The following KCMF1 variants were observed in gnomAD, a reference collection of about 807,000 sequenced individuals.
The protein encoded by KCMF1 is E3 ubiquitin-protein ligase KCMF1.
KCMF1 carries 3 observed loss-of-function variants against 41.1 expected under a neutral mutation model. The ratio of observed to expected loss-of-function variants is 0.07; its 90% confidence interval spans 0.03 to 0.19. KCMF1 has a LOEUF of 0.19. Among genes scored for constraint, KCMF1 ranks in the 10% least tolerant of loss-of-function variants. The probability of loss-of-function intolerance (pLI) is 1.00; values close to 1 mark genes in which losing one functional copy is unlikely to be tolerated. For missense variants in KCMF1, 286 were observed against 488.9 expected (o/e 0.58, Z 3.91); for synonymous variants, 142 against 164.5 (o/e 0.86, Z 1.04).
intron 1 of KCMF1, among the ~76,000 whole-genome samples, chr2:85,003,838 C>G (rs1384736837): frequency 6.6e-6 from 1 of 152,090 alleles, no homozygotes; most frequent in Non-Finnish European, 1.5e-5. Context: ...GAAGATGTAG[C>G]AAGCATGTAA....
intron 3 of KCMF1, among the ~76,000 whole-genome samples, chr2:85,037,253 G>C (rs1675424636): frequency 6.6e-6 from 1 of 152,082 alleles, no homozygotes; most frequent in South Asian, 2.1e-4. Context: ...ATCTTTGCAT[G>C]AGTACTATAT....
At chr2:85,018,634 C>T (rs563257688) in intron 1 of KCMF1, among the ~76,000 whole-genome samples, 4 of 152,050 alleles carry the variant, frequency 2.6e-5, no homozygotes, top group African/African-American at 9.6e-5. Flanking sequence ...TCAGTTTTTG[C>T]AGAATATATG....
rs1673730491 is a variant in KCMF1 at position 84,981,050 on chromosome 2, A to G, written c.16+9583A>G. ...ATAGATGGATCCCTGTAACTTAATCACTGCTACTAGAAAAAAAAAAACTGA... is the reference window on the plus strand; with the variant it reads ...ATAGATGGATCCCTGTAACTTAATCGCTGCTACTAGAAAAAAAAAAACTGA... On this transcript the variant is annotated intron_variant, in intron 1 of 6. Coordinates refer to ENST00000409785, the MANE Select transcript of KCMF1 (RefSeq NM_020122.5). Among the ~76,000 whole-genome samples the G allele has an allele frequency of 4.8e-5, 7 of 146,784 alleles. No individual in the cohort carries two copies. The South Asian group carries it at 1.5e-3, about 32-fold the overall frequency.
intron 1 of KCMF1, among the ~76,000 whole-genome samples, chr2:84,992,896 A>C (rs1674078045): frequency 6.6e-6 from 1 of 152,200 alleles, no homozygotes; most frequent in Non-Finnish European, 1.5e-5. Flanking sequence ...CTGAGATTAC[A>C]GCATCACCAT....
At chr2:85,005,222 A>C (rs1367383197) in intron 1 of KCMF1, among the ~76,000 whole-genome samples, 1 of 148,948 alleles carries the variant, frequency 6.7e-6, no homozygotes, top group Non-Finnish European at 1.5e-5. Context: ...TTTTATTTTT[A>C]ATTGACACAT....
chr2:85,001,878 A>G (rs978567184), intron 1 of KCMF1, among the ~76,000 whole-genome samples: 1 of 152,222 alleles, frequency 6.6e-6, no homozygotes, highest in South Asian at 2.1e-4. Context: ...CACCTAGGCT[A>G]TATGGATAGC....
intron 1 of KCMF1, among the ~76,000 whole-genome samples, chr2:85,023,419 C>T (rs1038358780): frequency 3.3e-5 from 5 of 149,756 alleles, no homozygotes; most frequent in Admixed American, 2.7e-4. Context: ...CCTGGGTTCA[C>T]GCCATTCTCC....
intron 1 of KCMF1, chr2:85,013,797 C>CA (rs1005946455): frequency 5.6e-3 from 276 of 48,900 alleles, no homozygotes; most frequent in Middle Eastern, 0.02. Context: ...GACTCTGTCT[C>CA]AAAAAAAAAA....
intron 1 of KCMF1, among the ~76,000 whole-genome samples, chr2:85,003,653 G>A (rs572756451): frequency 6.6e-6 from 1 of 151,766 alleles, no homozygotes; most frequent in African/African-American, 2.4e-5. Context: ...CGGGTCTCCC[G>A]ATGTTACCCA....
intron 5 of KCMF1, among the ~76,000 whole-genome samples, chr2:85,048,291 A>G (rs1389577141): frequency 2.0e-5 from 3 of 152,238 alleles, no homozygotes. Context: ...TCCAAAGGGA[A>G]TATTTACCTG....
At chr2:84,998,604 C>A (rs928531400) in intron 1 of KCMF1, among the ~76,000 whole-genome samples, 1 of 151,506 alleles carries the variant, frequency 6.6e-6, no homozygotes, top group Non-Finnish European at 1.5e-5. Context: ...TACTTACTTA[C>A]TTACTTACTT....
At chr2:84,986,099 T>C (rs1442145862) in intron 1 of KCMF1, among the ~76,000 whole-genome samples, 1 of 152,204 alleles carries the variant, frequency 6.6e-6, no homozygotes, top group Non-Finnish European at 1.5e-5. Flanking sequence ...TCACCTCCTA[T>C]TGAAAAACAC....
rs1558573516 is a variant in KCMF1 at position 85,008,335 on chromosome 2, A to ATATGATATATCATATATAATATATC, written c.17-19554_17-19553insTATGATATATCATATATAATATATC. ...GATATATATATCATATATAATATAT[A>ATATGATATATCATATATAATATATC]ATATGATATATAATATATAATATAT... On this transcript the variant is annotated intron_variant, in intron 1 of 6. Coordinates refer to ENST00000409785, the MANE Select transcript of KCMF1 (RefSeq NM_020122.5). Among the ~76,000 whole-genome samples the ATATGATATATCATATATAATATATC allele has an allele frequency of 1.3e-3, 19 of 14,978 alleles. 1 individual carries two copies. Among genetic ancestry groups the ATATGATATATCATATATAATATATC allele is most frequent in the Admixed American group, 4.1e-3 (3 of 732 alleles). The allele number at this position is 14,978 out of a possible 152,430, so 9.8% of individuals were successfully genotyped here.
Position 85,049,452 on chromosome 2 carries a change from C to A in KCMF1, c.688C>A (p.Leu230Met). Residue 230 changes from leucine (L) to methionine (M), a missense_variant, in exon 6 of 7, where the codon CTG becomes ATG. This residue lies in a region of KCMF1 where 191 missense variants were observed against 279.3 expected (regional missense o/e 0.68). Coordinates refer to ENST00000409785, the MANE Select transcript of KCMF1 (RefSeq NM_020122.5). ...SGPSASQLQQ[L>M]QMQLQLERQH... Reference sequence around the variant, plus strand: ...CCCTTCCGCTTCTCAGTTACAACAACTGCAGATGCAGCTGCAGCTAGAACG... The same window carrying A: ...CCCTTCCGCTTCTCAGTTACAACAAATGCAGATGCAGCTGCAGCTAGAACG... 1 of 1,614,078 alleles carries A rather than the reference C, an allele frequency of 6.2e-7. No homozygotes were observed. Among genetic ancestry groups the A allele is most frequent in the Non-Finnish European group, 8.5e-7 (1 of 1,179,900 alleles).
chr2:84,977,929 GTTC>G (rs1415734413), intron 1 of KCMF1, among the ~76,000 whole-genome samples: 1 of 151,342 alleles, frequency 6.6e-6, no homozygotes, highest in African/African-American at 2.4e-5. Flanking sequence ...ATAACTACAT[GTTC>G]TTGTTTCAAA....
At chr2:85,049,807 C>A (rs1048798538) in intron 6 of KCMF1, among the ~76,000 whole-genome samples, 159 bp downstream of exon 6, 3 of 152,066 alleles carry the variant, frequency 2.0e-5, no homozygotes, top group African/African-American at 7.2e-5. Context: ...CAGTATTTCC[C>A]CAAGAATGTG....
At chr2:85,035,936 G>A (rs115014154) in intron 3 of KCMF1, among the ~76,000 whole-genome samples, 1,548 of 152,248 alleles carry the variant, frequency 0.01, 19 homozygotes, top group African/African-American at 0.035. Context: ...TAATAAGCCC[G>A]TAAATGTACT....
intron 1 of KCMF1, among the ~76,000 whole-genome samples, chr2:85,015,279 A>G (rs187187125): frequency 6.6e-5 from 10 of 152,004 alleles, no homozygotes; most frequent in Admixed American, 2.0e-4. Context: ...CATTTGCTTA[A>G]TTCATTCAAC....
intron 1 of KCMF1, among the ~76,000 whole-genome samples, chr2:85,026,299 CT>C (rs76915217): frequency 1.1e-3 from 156 of 145,268 alleles, no homozygotes; most frequent in African/African-American, 1.5e-3. Context: ...CATATTTTAA[CT>C]TTTTTTTTTT....
Sources: allele counts gnomAD v4.1 joint callset (sites outside exome capture counted in the v4.1 genomes callset), GRCh38; gene constraint gnomAD v4.1.1; regional missense constraint gnomAD v4.1.1; transcripts MANE v1.5; gene names NCBI Gene and HGNC (gene_info 2026-07-23, HGNC 2026-07-21).